Variants in LDLRAD3 observed in about 807,000 individuals in gnomAD.
LDLRAD3 encodes low density lipoprotein receptor class A domain containing 3.
LDLRAD3 carries 20 observed loss-of-function variants against 29.4 expected under a neutral mutation model. The observed-to-expected ratio is 0.68, with a 90% CI of 0.48 to 0.99. The LOEUF is 0.99. LDLRAD3 is among the 50% of genes least tolerant of loss of function. The pLI is 0.00. For missense variants in LDLRAD3, 420 were observed against 454.3 expected, an observed-to-expected ratio of 0.92 and a Z score of 0.69; for synonymous variants, 157 against 192.7, an observed-to-expected ratio of 0.81 and a Z score of 1.53.
chr11:36,105,336 A>G (rs1361246907), intron 4 of LDLRAD3, among the ~76,000 whole-genome samples: 1 of 151,430 alleles, frequency 6.6e-6, no homozygotes, highest in Non-Finnish European at 1.5e-5. Context: ...TGGGGAGGTA[A>G]TGGGTAGGTG....
intron 4 of LDLRAD3, among the ~76,000 whole-genome samples, chr11:36,107,770 A>G (rs1198084266): frequency 6.6e-6 from 1 of 152,122 alleles, no homozygotes; most frequent in South Asian, 2.1e-4. Flanking sequence ...AGTTAATTCT[A>G]TGATGTGCAC....
chr11:36,188,047 C>T (rs1028384135), intron 4 of LDLRAD3, among the ~76,000 whole-genome samples: 5 of 152,164 alleles, frequency 3.3e-5, no homozygotes, highest in African/African-American at 1.2e-4. Flanking sequence ...CCAAGGATAA[C>T]GATGAGTAGG....
intron 4 of LDLRAD3, among the ~76,000 whole-genome samples, chr11:36,115,873 G>A (rs565058058): frequency 9.2e-5 from 14 of 152,172 alleles, no homozygotes; most frequent in Admixed American, 2.6e-4. Context: ...AAGTCCTTCT[G>A]CTTTGGGTAT....
chr11:36,113,371 A>G lies in LDLRAD3; in HGVS notation c.454+14910A>G, dbSNP rs560239972. ...TCCGCTCCTCAGGAATTCCAAGACCACTACAGTGGTTACTATTTCTGAGAC... is the reference window on the plus strand; with the variant it reads ...TCCGCTCCTCAGGAATTCCAAGACCGCTACAGTGGTTACTATTTCTGAGAC... On this transcript the variant is annotated intron_variant, in intron 4 of 5. Coordinates refer to ENST00000315571, the MANE Select transcript of LDLRAD3 (RefSeq NM_174902.4). 3.3e-5 allele frequency among the ~76,000 whole-genome samples: 5 copies of G among 152,224 alleles called. No individual in the cohort carries two copies. The East Asian group carries it at 9.7e-4, about 29-fold the overall frequency.
At chr11:36,100,011 C>T (rs894283155) in intron 4 of LDLRAD3, among the ~76,000 whole-genome samples, 6 of 151,836 alleles carry the variant, frequency 4.0e-5, no homozygotes, top group East Asian at 1.9e-4. Flanking sequence ...ATGAGAACTC[C>T]GAAAATGCAG....
intron 1 of LDLRAD3, among the ~76,000 whole-genome samples, chr11:36,035,316 T>A (rs1054981240): frequency 3.3e-5 from 5 of 152,074 alleles, no homozygotes; most frequent in African/African-American, 1.2e-4. Flanking sequence ...CAGGGTCTAC[T>A]GGTAGATGAA....
chr11:36,176,585 C>T (rs1854678797), intron 4 of LDLRAD3, among the ~76,000 whole-genome samples: 1 of 152,008 alleles, frequency 6.6e-6, no homozygotes, highest in South Asian at 2.1e-4. Flanking sequence ...CTTAGTTTCA[C>T]TGGGTACAGG....
At chr11:35,945,912 C>G (rs1283477202) in intron 1 of LDLRAD3, among the ~76,000 whole-genome samples, 1 of 152,140 alleles carries the variant, frequency 6.6e-6, no homozygotes, top group Non-Finnish European at 1.5e-5. Context: ...ATAAAATGGT[C>G]ATAGCAAGGA....
At chr11:35,953,131 C>G (rs1590678416) in intron 1 of LDLRAD3, among the ~76,000 whole-genome samples, 3 of 152,308 alleles carry the variant, frequency 2.0e-5, no homozygotes, top group Admixed American at 2.0e-4. Flanking sequence ...TTTGTTGAGT[C>G]ATTGTGATAT....
At chr11:36,138,744 G>T (rs1318851349) in intron 4 of LDLRAD3, among the ~76,000 whole-genome samples, 1 of 152,228 alleles carries the variant, frequency 6.6e-6, no homozygotes, top group Non-Finnish European at 1.5e-5. Context: ...TGATGCTTGG[G>T]GGGTTTGAGG....
chr11:36,000,554 A>G (rs1303300518), intron 1 of LDLRAD3, among the ~76,000 whole-genome samples: 1 of 152,202 alleles, frequency 6.6e-6, no homozygotes, highest in African/African-American at 2.4e-5. Flanking sequence ...GTCTGGTTCC[A>G]TGAGCATTTA....
chr11:35,975,830 A>ATT (rs35771900), intron 1 of LDLRAD3, among the ~76,000 whole-genome samples: 69 of 136,768 alleles, frequency 5.0e-4, no homozygotes, highest in Admixed American at 2.4e-3. Flanking sequence ...AGCACTGGGG[A>ATT]TTTTTTTTTT....
chr11:36,178,062 T>C (rs1854704691), intron 4 of LDLRAD3, among the ~76,000 whole-genome samples: 1 of 152,240 alleles, frequency 6.6e-6, no homozygotes, highest in South Asian at 2.1e-4. Context: ...TGGTGGTTTT[T>C]GGAGCTAAAG....
rs1301811548 is a variant in LDLRAD3, at chr11:36,081,753, C to T, written c.294C>T (p.Pro98=). Residue 98 remains proline, a synonymous_variant, in exon 3 of 6, where the codon CCC becomes CCT. Coordinates refer to ENST00000315571, the MANE Select transcript of LDLRAD3 (RefSeq NM_174902.4). ...GGTGCAATGGGTTTGAGGACTGTCC[C>T]GATGGCAGCGATGAAGAGAACTGCA... ...RFRCNGFEDC[P]DGSDEENCTA... is the part of the protein sequence containing the mutation. The T allele has an allele frequency of 7.4e-6, 12 of 1,614,206 alleles. No individual in the cohort carries two copies. The East Asian group carries it at 1.3e-4, about 18-fold the overall frequency.
chr11:36,203,845 A>G (rs1162050108), intron 4 of LDLRAD3, among the ~76,000 whole-genome samples: 2 of 151,958 alleles, frequency 1.3e-5, no homozygotes, highest in African/African-American at 4.8e-5. Flanking sequence ...TCAGCTAGTG[A>G]CTTTCTTTGG....
intron 2 of LDLRAD3, among the ~76,000 whole-genome samples, chr11:36,057,702 G>A (rs772060102): frequency 2.6e-5 from 4 of 152,250 alleles, no homozygotes; most frequent in East Asian, 1.9e-4. Context: ...TCCCTGGATC[G>A]TCAGTTGCCT....
At chr11:36,184,869 T>C (rs1376090664) in intron 4 of LDLRAD3, among the ~76,000 whole-genome samples, 1 of 152,212 alleles carries the variant, frequency 6.6e-6, no homozygotes, top group Non-Finnish European at 1.5e-5. Flanking sequence ...CTCTCCACTT[T>C]GGCCCTGGAT....
chr11:36,214,040 A>G (rs1855319743), intron 4 of LDLRAD3, among the ~76,000 whole-genome samples: 1 of 152,134 alleles, frequency 6.6e-6, no homozygotes, highest in Admixed American at 6.5e-5. Flanking sequence ...TACAGTCCCA[A>G]TTTTAATCCC....
At chr11:35,964,283 C>T (rs966176837) in intron 1 of LDLRAD3, among the ~76,000 whole-genome samples, 9 of 152,124 alleles carry the variant, frequency 5.9e-5, no homozygotes, top group Non-Finnish European at 1.3e-4. Context: ...CCTCAAGATC[C>T]CTATGAGGTC....
Sources: allele counts gnomAD v4.1 joint callset (sites outside exome capture counted in the v4.1 genomes callset), GRCh38; gene constraint gnomAD v4.1.1; transcripts MANE v1.5; gene names NCBI Gene and HGNC (gene_info 2026-07-23, HGNC 2026-07-21).